Variants in PDE10A observed in about 807,000 individuals in gnomAD.
PDE10A encodes the protein cAMP and cAMP-inhibited cGMP 3',5'-cyclic phosphodiesterase 10A.
Under a neutral mutation model 97.7 loss-of-function variants are expected in PDE10A, and 39 were observed. The observed-to-expected ratio is 0.40, with a 90% CI of 0.31 to 0.52. The LOEUF is 0.52. PDE10A is among the 20% of genes least tolerant of loss of function. The pLI is 0.56. For synonymous variants in PDE10A, 371 were observed against 376.8 expected (o/e 0.98, Z 0.18); for missense variants, 731 against 1,047.8 (o/e 0.70, Z 4.17).
chr6:165,844,614 T>G (rs1446219680), intron 1 of PDE10A, among the ~76,000 whole-genome samples: 1 of 152,254 alleles, frequency 6.6e-6, no homozygotes, highest in Non-Finnish European at 1.5e-5. Context: ...AAGTTCAATA[T>G]GTTTTAAAAC....
At chr6:165,336,705 C>T (rs976507870) in intron 20 of PDE10A, among the ~76,000 whole-genome samples, 9 of 147,468 alleles carry the variant, frequency 6.1e-5, no homozygotes, top group Admixed American at 6.9e-5. Context: ...GCCGAGATTG[C>T]GCCACTGCAG....
intron 1 of PDE10A, among the ~76,000 whole-genome samples, chr6:165,943,219 GAAA>G (rs1783611353): frequency 7.7e-4 from 56 of 72,848 alleles, no homozygotes; most frequent in Middle Eastern, 6.1e-3. Flanking sequence ...AAGAAAGAAA[GAAA>G]GAAAGAAAGA....
At chr6:165,891,794 C>CA (rs1781807713) in intron 1 of PDE10A, among the ~76,000 whole-genome samples, 2 of 152,252 alleles carry the variant, frequency 1.3e-5, no homozygotes, top group South Asian at 4.2e-4. Flanking sequence ...TAAGAGGTCA[C>CA]ATAGCTGAAA....
intron 18 of PDE10A, among the ~76,000 whole-genome samples, chr6:165,368,630 T>C (rs1262886742): frequency 6.6e-6 from 1 of 152,078 alleles, no homozygotes. Context: ...AATGGATAAT[T>C]AGACAACTTA....
At chr6:165,850,096 A>G (rs1379209480) in intron 1 of PDE10A, among the ~76,000 whole-genome samples, 3 of 152,142 alleles carry the variant, frequency 2.0e-5, no homozygotes, top group Non-Finnish European at 4.4e-5. Context: ...ATTTAACAAA[A>G]TCGATCCTCT....
At chr6:165,853,877 T>A (rs991275210) in intron 1 of PDE10A, among the ~76,000 whole-genome samples, 2 of 152,152 alleles carry the variant, frequency 1.3e-5, no homozygotes, top group African/African-American at 4.8e-5. Flanking sequence ...CTTTCCTACC[T>A]GTCCTCCGAA....
chr6:165,958,196 T>C (rs936075716), intron 1 of PDE10A, among the ~76,000 whole-genome samples: 2 of 152,118 alleles, frequency 1.3e-5, no homozygotes, highest in Non-Finnish European at 2.9e-5. Flanking sequence ...CAGGACCTTC[T>C]GAGCTTCAAC....
intron 1 of PDE10A, among the ~76,000 whole-genome samples, chr6:165,877,164 T>G (rs1781364615): frequency 1.3e-5 from 2 of 152,190 alleles, no homozygotes; most frequent in South Asian, 2.1e-4. Flanking sequence ...CACGTGTGGG[T>G]CTCAAAACTT....
At chr6:165,349,013 T>C (rs1402102121) in intron 18 of PDE10A, among the ~76,000 whole-genome samples, 1 of 152,190 alleles carries the variant, frequency 6.6e-6, no homozygotes, top group East Asian at 1.9e-4. Flanking sequence ...CTTGGGTATT[T>C]CTTCATAGCA....
intron 18 of PDE10A, among the ~76,000 whole-genome samples, chr6:165,347,332 CATAA>C (rs1393549410): frequency 6.6e-6 from 1 of 152,038 alleles, no homozygotes; most frequent in Non-Finnish European, 1.5e-5. Context: ...TTTCCAATAA[CATAA>C]ATAACTTTCA....
intron 1 of PDE10A, among the ~76,000 whole-genome samples, chr6:165,880,920 C>T (rs1781455022): frequency 6.6e-6 from 1 of 152,200 alleles, no homozygotes; most frequent in South Asian, 2.1e-4. Context: ...AAATTTCATC[C>T]ATATGTTTCT....
intron 1 of PDE10A, among the ~76,000 whole-genome samples, chr6:165,639,435 C>T (rs1302970680): frequency 6.6e-6 from 1 of 151,940 alleles, no homozygotes; most frequent in East Asian, 1.9e-4. Flanking sequence ...CAAAAAAAAT[C>T]AAGATAAAAA....
At chr6:165,843,739 G>A (rs187064178) in intron 1 of PDE10A, among the ~76,000 whole-genome samples, 3 of 152,356 alleles carry the variant, frequency 2.0e-5, no homozygotes, top group African/African-American at 7.2e-5. Flanking sequence ...GCAGAGAGGG[G>A]AATGTTGGCG....
chr6:165,937,238 G>A (rs1341567304), intron 1 of PDE10A, among the ~76,000 whole-genome samples: 1 of 152,186 alleles, frequency 6.6e-6, no homozygotes, highest in African/African-American at 2.4e-5. Context: ...GAATATGGAA[G>A]GGTTCATGTG....
intron 1 of PDE10A, among the ~76,000 whole-genome samples, chr6:165,926,668 A>AT: frequency 6.6e-6 from 1 of 152,258 alleles, no homozygotes; most frequent in South Asian, 2.1e-4. Flanking sequence ...ACCCGAGAAA[A>AT]ATCAGACTTT....
chr6:165,831,828 C>T (rs1184370673), intron 1 of PDE10A, among the ~76,000 whole-genome samples: 1 of 152,110 alleles, frequency 6.6e-6, no homozygotes, highest in Non-Finnish European at 1.5e-5. Context: ...CTCCCCCCTG[C>T]CTTTTTAATA....
chr6:165,963,332 C>T (rs1446828587), intron 1 of PDE10A, among the ~76,000 whole-genome samples: 2 of 152,200 alleles, frequency 1.3e-5, no homozygotes, highest in African/African-American at 4.8e-5. Flanking sequence ...TTTTCAAAAC[C>T]TCTTTTCCAG....
intron 1 of PDE10A, among the ~76,000 whole-genome samples, chr6:165,654,518 A>G (rs951668727): frequency 2.0e-5 from 3 of 152,030 alleles, no homozygotes; most frequent in African/African-American, 7.3e-5. Flanking sequence ...CTCTGAGGAA[A>G]AGGTTTCCTT....
chr6:165,364,252 G>A (rs1230562964), intron 18 of PDE10A, among the ~76,000 whole-genome samples: 1 of 152,156 alleles, frequency 6.6e-6, no homozygotes, highest in African/African-American at 2.4e-5. Context: ...ATTATGTCAT[G>A]AGGGTAGAGC....
Sources: allele counts gnomAD v4.1 joint callset (sites outside exome capture counted in the v4.1 genomes callset), GRCh38; gene constraint gnomAD v4.1.1; transcripts MANE v1.5; gene names NCBI Gene and HGNC (gene_info 2026-07-23, HGNC 2026-07-21).